Variants in DCDC2C observed in about 807,000 individuals in gnomAD.
DCDC2C encodes doublecortin domain-containing protein 2C.
A neutral mutation model predicts 45.0 loss-of-function variants in DCDC2C; 44 were observed. The observed-to-expected ratio is 0.98, with a 90% CI of 0.77 to 1.26. DCDC2C has a LOEUF of 1.26. Among genes scored for constraint, DCDC2C ranks in the 50% most tolerant of loss-of-function variants. The pLI, the probability that DCDC2C is intolerant of heterozygous loss-of-function variation, is 0.00. For missense variants in DCDC2C, 447 were observed against 468.9 expected (o/e 0.95, Z 0.43); for synonymous variants, 187 against 178.8 (o/e 1.05, Z -0.37).
At chr2:3,763,489 C>T (rs1242535402) in intron 6 of DCDC2C, among the ~76,000 whole-genome samples, 1 of 152,206 alleles carries the variant, frequency 6.6e-6, no homozygotes, top group African/African-American at 2.4e-5. Flanking sequence ...GACCCTGGCT[C>T]ATACCCAGGC....
chr2:3,750,260 A>G (rs1669506279), intron 4 of DCDC2C, among the ~76,000 whole-genome samples: 1 of 152,140 alleles, frequency 6.6e-6, no homozygotes, highest in South Asian at 2.1e-4. Flanking sequence ...GGCTATGATC[A>G]AGAATTGAAT....
chr2:3,766,478 ACCAGT>A (rs1428576672), intron 6 of DCDC2C, among the ~76,000 whole-genome samples: 1 of 152,162 alleles, frequency 6.6e-6, no homozygotes, highest in Admixed American at 6.5e-5. Context: ...TGTTTCCATG[ACCAGT>A]TCTGCTAAGA....
intron 2 of DCDC2C, among the ~76,000 whole-genome samples, chr2:3,726,305 G>T (rs1668685180): frequency 6.6e-6 from 1 of 152,044 alleles, no homozygotes; most frequent in Non-Finnish European, 1.5e-5. Flanking sequence ...ACAGGGTTGG[G>T]GGTTAACATC....
chr2:3,755,555 G>C (rs1446064776), intron 6 of DCDC2C, among the ~76,000 whole-genome samples: 1 of 152,024 alleles, frequency 6.6e-6, no homozygotes, highest in Non-Finnish European at 1.5e-5. Context: ...GGATGTATGT[G>C]TGTGCATATG....
chr2:3,838,260 G>A (rs1437214024), intron 10 of DCDC2C, among the ~76,000 whole-genome samples: 1 of 151,982 alleles, frequency 6.6e-6, no homozygotes, highest in East Asian at 1.9e-4. Flanking sequence ...AATTGGAGCG[G>A]GGCATTAGAG....
rs74926265 is a variant in DCDC2C, at chr2:3,742,080, G to C, written c.545+32G>C. The C allele has an allele frequency of 6.9e-5, 103 of 1,493,018 alleles. 2 individuals carry two copies. In the Admixed American group the frequency reaches 2.5e-3, roughly 37 times the overall value. The allele number at this position is 1,493,018 out of a possible 1,614,324, so 92.5% of individuals were successfully genotyped here. A position where few individuals can be genotyped will look rare whatever the true frequency, so the allele number is the denominator to read the frequency against. The stretch of plus-strand genomic sequence containing the variant: ...AGACTCTCGCCTTTAGGACAGCCAG[G>C]GGGCGGCAGCTTGTGTTTATTCTTT... On this transcript the variant is annotated intron_variant, in intron 4 of 10. Transcript: ENST00000399143.
intron 10 of DCDC2C, among the ~76,000 whole-genome samples, chr2:3,799,171 G>T (rs1263811259): frequency 6.6e-6 from 1 of 152,080 alleles, no homozygotes; most frequent in African/African-American, 2.4e-5. Context: ...ATCGGCTCCT[G>T]AGGCTTCTGC....
intron 3 of DCDC2C, among the ~76,000 whole-genome samples, chr2:3,739,818 A>G (rs536039391): frequency 2.9e-4 from 44 of 152,342 alleles, no homozygotes; most frequent in Admixed American, 1.0e-3. Flanking sequence ...AACACAAGCC[A>G]CCTATACAGA....
chr2:3,814,578 A>G (rs1671507901), intron 10 of DCDC2C, among the ~76,000 whole-genome samples: 1 of 152,144 alleles, frequency 6.6e-6, no homozygotes, highest in South Asian at 2.1e-4. Context: ...AGACGTTGTG[A>G]TCATTTGGAG....
At position 3,752,748 on chromosome 2, in the gene DCDC2C, T is replaced by C. The variant is rs1669579190; in HGVS notation, c.546-15T>C. On this transcript the variant is annotated splice_polypyrimidine_tract_variant and intron_variant, in intron 4 of 10. Transcript: ENST00000399143. ...CCTCAAGTCTCTATCTCATTTCTTC[T>C]TTCTGTTTTTACAGATTATTTACAA... is the stretch of plus-strand genomic sequence containing the variant. The C allele has an allele frequency of 1.3e-6, 2 of 1,550,192 alleles. No homozygotes were observed. The highest frequency in any genetic ancestry group is 1.4e-5 in the African/African-American group (1 of 73,042).
intron 10 of DCDC2C, among the ~76,000 whole-genome samples, chr2:3,814,664 C>A (rs1671509723): frequency 1.3e-5 from 2 of 152,228 alleles, no homozygotes; most frequent in South Asian, 4.1e-4. Flanking sequence ...GAAGGAAATG[C>A]TAAGTCTGCT....
At chr2:3,783,121 T>C (rs1558225631) in intron 9 of DCDC2C, among the ~76,000 whole-genome samples, 1 of 152,226 alleles carries the variant, frequency 6.6e-6, no homozygotes, top group Non-Finnish European at 1.5e-5. Context: ...TTTTCTCTGA[T>C]TCTCAGTTAT....
At chr2:3,765,959 C>G (rs1670001190) in intron 6 of DCDC2C, among the ~76,000 whole-genome samples, 2 of 152,144 alleles carry the variant, frequency 1.3e-5, no homozygotes, top group African/African-American at 4.8e-5. Context: ...TGCAAAAACT[C>G]ACATTTCCTG....
chr2:3,771,136 C>T (rs1370067070), intron 8 of DCDC2C, among the ~76,000 whole-genome samples: 1 of 152,244 alleles, frequency 6.6e-6, no homozygotes, highest in Non-Finnish European at 1.5e-5. Flanking sequence ...GGTCATCCGT[C>T]CTCCCTCTGC....
At chr2:3,723,420 C>A (rs1668549290) in intron 2 of DCDC2C, among the ~76,000 whole-genome samples, 1 of 152,190 alleles carries the variant, frequency 6.6e-6, no homozygotes, top group African/African-American at 2.4e-5. Context: ...AGACAAAGAT[C>A]CGTGAGTATG....
intron 8 of DCDC2C, among the ~76,000 whole-genome samples, chr2:3,777,750 G>A (rs910724784): frequency 2.6e-5 from 4 of 152,190 alleles, no homozygotes; most frequent in South Asian, 2.1e-4. Flanking sequence ...ATACCTACAC[G>A]TCTGCCTCGC....
chr2:3,809,150 T>A (rs1384821988), intron 10 of DCDC2C, among the ~76,000 whole-genome samples: 3 of 152,354 alleles, frequency 2.0e-5, no homozygotes, highest in African/African-American at 7.2e-5. Context: ...ATTACTGCAG[T>A]TTTGAAATCA....
At chr2:3,822,930 A>G (rs1286872830) in intron 10 of DCDC2C, among the ~76,000 whole-genome samples, 2 of 152,024 alleles carry the variant, frequency 1.3e-5, no homozygotes, top group Non-Finnish European at 2.9e-5. Flanking sequence ...TGGTTTTATA[A>G]GTGGGAGTTT....
chr2:3,738,474 T>C (rs904526505), intron 3 of DCDC2C, among the ~76,000 whole-genome samples: 6 of 134,402 alleles, frequency 4.5e-5, no homozygotes, highest in Non-Finnish European at 9.1e-5. Context: ...TGAGATGAAC[T>C]ATATGATGAG....
Sources: gnomAD v4.1 joint callset for allele counts (sites outside exome capture counted in the v4.1 genomes callset) on GRCh38, gnomAD v4.1.1 for gene constraint, MANE v1.5 for transcripts, NCBI Gene and HGNC (gene_info 2026-07-23, HGNC 2026-07-21) for gene names.